The following LGALS8 variants were observed in gnomAD, a reference collection of about 807,000 sequenced individuals.
LGALS8 encodes galectin-8.
In LGALS8, 30 loss-of-function variants were observed where a neutral mutation model predicts 35.9. The ratio of observed to expected loss-of-function variants is 0.83; its 90% CI spans 0.62 to 1.13. The LOEUF is 1.13. Among genes scored for constraint, LGALS8 ranks in the 50% most tolerant of loss-of-function variants. The probability of loss-of-function intolerance (pLI) is 0.00; values close to 1 mark genes in which losing one functional copy is unlikely to be tolerated. For synonymous variants in LGALS8, 138 were observed against 136.1 expected, an observed-to-expected ratio of 1.01 and a Z score of -0.10; for missense variants, 366 against 388.7, an observed-to-expected ratio of 0.94 and a Z score of 0.49.
chr1:236,550,410 C>T lies in LGALS8; in HGVS notation c.*2249C>T, dbSNP rs1194340208. 1.3e-5 allele frequency: 2 copies of T among 152,382 alleles called. No homozygotes were observed. Among genetic ancestry groups the T allele is most frequent in the African/African-American group, 4.8e-5 (2 of 41,450 alleles). The allele number at this position is 152,382 out of a possible 1,614,324, so 9.4% of individuals were successfully genotyped here. A position where few individuals can be genotyped will look rare whatever the true frequency, so the allele number is the denominator to read the frequency against. Reference sequence around the variant, plus strand: ...CAAAGAAACGAAGGCTGAAGTTCGCCTACCCAAAATGAAAAGTAGGCTTTA... The same window carrying T: ...CAAAGAAACGAAGGCTGAAGTTCGCTTACCCAAAATGAAAAGTAGGCTTTA... On this transcript the variant is annotated 3_prime_UTR_variant, in exon 10 of 10. Coordinates refer to ENST00000366584, the MANE Select transcript of LGALS8 (RefSeq NM_201544.4).
At chr1:236,541,537 C>A (rs1203239311) in intron 5 of LGALS8, 117 bp from the exon 6 acceptor site, 8 of 582,614 alleles carry the variant, frequency 1.4e-5, no homozygotes, top group Non-Finnish European at 2.4e-5. Context: ...ATTTTTGGAT[C>A]ATAGTTTTCA....
chr1:236,531,557 C>T (rs1460753914), intron 2 of LGALS8, among the ~76,000 whole-genome samples: 1 of 152,092 alleles, frequency 6.6e-6, no homozygotes, highest in Non-Finnish European at 1.5e-5. Context: ...GATCTCCTGA[C>T]CTTGTGATCC....
At chr1:236,518,504 A>G (rs1400163349), upstream of LGALS8, 1 of 152,194 alleles carries the variant, frequency 6.6e-6, no homozygotes, top group Non-Finnish European at 1.5e-5. Context: ...TAAGGATGTG[A>G]GTATTGTGGT....
At chr1:236,532,943 TG>T (rs2103078415) in intron 2 of LGALS8, among the ~76,000 whole-genome samples, 1 of 152,356 alleles carries the variant, frequency 6.6e-6, no homozygotes, top group South Asian at 2.1e-4. Context: ...AAACATCTCT[TG>T]GACTTCTCTG....
At chr1:236,525,100 C>A (rs1315895431) in intron 1 of LGALS8, among the ~76,000 whole-genome samples, 1 of 152,180 alleles carries the variant, frequency 6.6e-6, no homozygotes, top group Non-Finnish European at 1.5e-5. Flanking sequence ...CTTTCCAACA[C>A]TCCCCTGCCC....
At chr1:236,547,949 T>G in intron 9 of LGALS8, 63 bp from the exon 10 acceptor site, 3 of 1,423,548 alleles carry the variant, frequency 2.1e-6, no homozygotes, top group Non-Finnish European at 3.0e-6. Flanking sequence ...ACCGTTAGCA[T>G]GTAACAAACA....
At position 236,540,699 on chromosome 1, in the gene LGALS8, CA is replaced by C. The variant is rs1420736746; in HGVS notation, c.465+17del. On this transcript the variant is annotated intron_variant, in intron 5 of 9. Transcript: ENST00000366584. ...CTTCAGCTCGGTGAGTGACCTTCCACAGCTTGGGGTCTTTTATGAGGATGGT... is the reference window on the plus strand; with the variant it reads ...CTTCAGCTCGGTGAGTGACCTTCCACGCTTGGGGTCTTTTATGAGGATGGT... 3.3e-5 allele frequency: 53 copies of C among 1,594,566 alleles called. No individual in the cohort carries two copies. The highest frequency in any genetic ancestry group is 4.5e-5 in the Non-Finnish European group (53 of 1,170,506).
rs1272233150 is a variant in LGALS8, at chr1:236,538,861, G to T, written c.135-18G>T. On this transcript the variant is annotated intron_variant, in intron 3 of 9. Coordinates refer to ENST00000366584, the MANE Select transcript of LGALS8 (RefSeq NM_201544.4). Reference sequence around the variant, plus strand: ...CTTTCTGAGCACTCATGGGGCCCCTGTGTCTTCCCTCATATAGATTCCAGG... The same window carrying T: ...CTTTCTGAGCACTCATGGGGCCCCTTTGTCTTCCCTCATATAGATTCCAGG... 6.3e-7 allele frequency: 1 copy of T among 1,599,390 alleles called. No individual in the cohort carries two copies. The highest frequency in any genetic ancestry group is 8.6e-7 in the Non-Finnish European group (1 of 1,168,074).
upstream of LGALS8, among the ~76,000 whole-genome samples, chr1:236,519,675 G>A (rs771377031): frequency 1.3e-5 from 2 of 152,166 alleles, no homozygotes; most frequent in African/African-American, 2.4e-5. Flanking sequence ...TAGCGTGCTG[G>A]TAAATGTTTA....
intron 2 of LGALS8, among the ~76,000 whole-genome samples, chr1:236,534,483 G>A (rs1051455819): frequency 6.6e-6 from 1 of 152,062 alleles, no homozygotes; most frequent in Non-Finnish European, 1.5e-5. Flanking sequence ...AATTAATAAT[G>A]ATCTGTGAAT....
intron 2 of LGALS8, among the ~76,000 whole-genome samples, chr1:236,535,532 T>C (rs1337955100): frequency 5.3e-5 from 8 of 152,218 alleles, no homozygotes; most frequent in African/African-American, 1.4e-4. Flanking sequence ...TGAAATTTGA[T>C]GTTATAAAAA....
chr1:236,529,628 T>C (rs2103072889), intron 2 of LGALS8, among the ~76,000 whole-genome samples: 1 of 149,168 alleles, frequency 6.7e-6, no homozygotes, highest in East Asian at 2.0e-4. Context: ...TTCTGTTTTT[T>C]TTTTTTTTTC....
chr1:236,527,571 A>C lies in LGALS8; in HGVS notation c.45+1456A>C, dbSNP rs1020471699. 4.7e-4 allele frequency among the ~76,000 whole-genome samples: 71 copies of C among 152,250 alleles called. 1 individual carries two copies. The highest frequency in any genetic ancestry group is 1.7e-3 in the African/African-American group (69 of 41,538). ...GAAAGGTTAGAGGTAGACTGAACTGAATGGCAAAAACATTTTGCGCTCTCT... is the reference window on the plus strand; with the variant it reads ...GAAAGGTTAGAGGTAGACTGAACTGCATGGCAAAAACATTTTGCGCTCTCT... On this transcript the variant is annotated intron_variant, in intron 2 of 9. Coordinates refer to ENST00000366584, the MANE Select transcript of LGALS8 (RefSeq NM_201544.4).
At chr1:236,541,976 G>A (rs760440911) in intron 6 of LGALS8, among the ~76,000 whole-genome samples, 2 of 152,076 alleles carry the variant, frequency 1.3e-5, no homozygotes, top group Non-Finnish European at 2.9e-5. Flanking sequence ...ACTGTTCTGG[G>A]GTATTTCCAA....
At position 236,524,028 on chromosome 1, in the gene LGALS8, T is replaced by C; in HGVS notation, c.-137T>C. 1 of 440,930 alleles carries C rather than the reference T, an allele frequency of 2.3e-6. No individual in the cohort carries two copies. The allele number at this position is 440,930 out of a possible 1,614,324, so 27.3% of individuals were successfully genotyped here. A position where few individuals can be genotyped will look rare whatever the true frequency, so the allele number is the denominator to read the frequency against. Reference sequence around the variant, plus strand: ...GGCACTTAGCTGCTGACAAACAACCTGCTCCGTGGAGCGCCTGAAACACCA... The same window carrying C: ...GGCACTTAGCTGCTGACAAACAACCCGCTCCGTGGAGCGCCTGAAACACCA... On this transcript the variant is annotated 5_prime_UTR_variant, in exon 1 of 10. Transcript: ENST00000366584.
At chr1:236,534,933 T>G (rs977436899) in intron 2 of LGALS8, among the ~76,000 whole-genome samples, 3 of 150,948 alleles carry the variant, frequency 2.0e-5, no homozygotes, top group Admixed American at 2.0e-4. Context: ...TGGTGGCACA[T>G]GCCTGTAGTC....
chr1:236,537,643 AATG>A, intron 3 of LGALS8, 58 bp downstream of exon 3: 9 of 1,222,290 alleles, frequency 7.4e-6, no homozygotes, highest in Non-Finnish European at 1.1e-5. Flanking sequence ...GTGATTGTGG[AATG>A]ATAACAGAGT....
At chr1:236,534,806 C>T (rs531468342) in intron 2 of LGALS8, among the ~76,000 whole-genome samples, 2 of 152,114 alleles carry the variant, frequency 1.3e-5, no homozygotes, top group East Asian at 3.9e-4. Flanking sequence ...AAGCTCATTA[C>T]CTCCCAAAGC....
In LGALS8 at chr1:236,546,773, A is replaced by T. The variant is rs1215335318; in HGVS notation, c.805-1239A>T. On this transcript the variant is annotated intron_variant, in intron 9 of 9. Coordinates refer to ENST00000366584, the MANE Select transcript of LGALS8 (RefSeq NM_201544.4). ...CTTGGTTTTCCTTCTGAGCTATAGC[A>T]TCAGGCTGTGTGTTTTGTGTTTTCT... 2.0e-5 allele frequency among the ~76,000 whole-genome samples: 3 copies of T among 152,260 alleles called. No homozygotes were observed. In the East Asian group the frequency reaches 5.8e-4, roughly 29 times the overall value.
Sources: gnomAD v4.1 joint callset for allele counts (sites outside exome capture counted in the v4.1 genomes callset) on GRCh38, gnomAD v4.1.1 for gene constraint, MANE v1.5 for transcripts, NCBI Gene and HGNC (gene_info 2026-07-23, HGNC 2026-07-21) for gene names.